The following KCNIP4 variants were observed in gnomAD, a reference collection of about 807,000 sequenced individuals.
KCNIP4 encodes the protein potassium voltage-gated channel interacting protein 4.
KCNIP4 carries 12 observed loss-of-function variants against 34.0 expected under a neutral mutation model. That is an observed-to-expected ratio of 0.35 (90% CI 0.23 to 0.57). The LOEUF (loss-of-function observed/expected upper bound fraction) is 0.57. Ranked by LOEUF, KCNIP4 falls within the 20% of genes least tolerant of loss-of-function variation. The pLI is 0.83. For missense variants in KCNIP4, 238 were observed against 311.7 expected (o/e 0.76, Z 1.78); for synonymous variants, 124 against 102.2 (o/e 1.21, Z -1.29).
At chr4:21,736,680 T>C (rs576835996) in intron 1 of KCNIP4, among the ~76,000 whole-genome samples, 1 of 152,302 alleles carries the variant, frequency 6.6e-6, no homozygotes, top group South Asian at 2.1e-4. Flanking sequence ...TCTTCCATTA[T>C]CTGTATTTTT....
rs191489907 is a variant in KCNIP4, at chr4:21,714,816, T to G, written c.61+233755A>C. 2.6e-3 allele frequency among the ~76,000 whole-genome samples: 10 copies of G among 3,888 alleles called. 1 individual carries two copies. The African/African-American group carries it at 0.031, about 12-fold the overall frequency. The allele number at this position is 3,888 out of a possible 152,430, so 2.6% of individuals were successfully genotyped here. On this transcript the variant is annotated intron_variant, in intron 1 of 8. Transcript: ENST00000382152. Reference sequence around the variant, plus strand: ...TTTATTTTATTTTATTTTATTTTATTTTATTTTATTTTATTTTATTTTATT... The same window carrying G: ...TTTATTTTATTTTATTTTATTTTATGTTATTTTATTTTATTTTATTTTATT...
chr4:20,790,308 A>C (rs1277004613), intron 3 of KCNIP4, among the ~76,000 whole-genome samples: 1 of 152,176 alleles, frequency 6.6e-6, no homozygotes, highest in Non-Finnish European at 1.5e-5. Flanking sequence ...ATAGTGAGTG[A>C]ATGTGAAGGC....
chr4:21,348,680 T>TA (rs1717705294), intron 1 of KCNIP4, among the ~76,000 whole-genome samples: 1 of 152,204 alleles, frequency 6.6e-6, no homozygotes. Flanking sequence ...AGCCCAAATG[T>TA]ATAGCTCTGT....
chr4:21,600,594 A>G (rs190209356), intron 1 of KCNIP4, among the ~76,000 whole-genome samples: 31 of 152,160 alleles, frequency 2.0e-4, no homozygotes, highest in Non-Finnish European at 4.1e-4. Context: ...TCTCCTATCT[A>G]ACTGTGTATA....
intron 1 of KCNIP4, among the ~76,000 whole-genome samples, chr4:21,517,963 A>G (rs1050273883): frequency 7.9e-5 from 12 of 152,248 alleles, no homozygotes; most frequent in African/African-American, 2.4e-4. Flanking sequence ...ACAAAAGCCT[A>G]CGGTGGTATT....
chr4:20,837,732 G>A (rs1275474958), intron 3 of KCNIP4, among the ~76,000 whole-genome samples: 1 of 148,582 alleles, frequency 6.7e-6, no homozygotes, highest in East Asian at 2.0e-4. Context: ...ACCCAGGCTG[G>A]AGTACAGCAG....
In KCNIP4 at chr4:21,573,253, A is replaced by G. The variant is rs976447910; in HGVS notation, c.61+375318T>C. On this transcript the variant is annotated intron_variant, in intron 1 of 8. Transcript: ENST00000382152. ...GCACAGTACCAGGAACTTTAAATGT[A>G]TGAACTCTAATCCACTAAAACTACA... 3.3e-5 allele frequency among the ~76,000 whole-genome samples: 5 copies of G among 152,172 alleles called. No homozygotes were observed. The East Asian group carries it at 5.8e-4, about 18-fold the overall frequency.
chr4:21,346,906 C>G (rs561509317), intron 1 of KCNIP4, among the ~76,000 whole-genome samples: 109 of 152,188 alleles, frequency 7.2e-4, no homozygotes, highest in African/African-American at 2.6e-3. Flanking sequence ...GATCAAACCA[C>G]CAAATCAACA....
intron 1 of KCNIP4, among the ~76,000 whole-genome samples, chr4:21,121,758 T>C (rs1333427802): frequency 6.6e-6 from 1 of 152,218 alleles, no homozygotes; most frequent in Non-Finnish European, 1.5e-5. Context: ...CTAGGTTAAT[T>C]ATGCAGGTAG....
intron 2 of KCNIP4, among the ~76,000 whole-genome samples, chr4:20,862,850 T>C (rs1722354510): frequency 1.3e-5 from 2 of 152,148 alleles, no homozygotes; most frequent in African/African-American, 4.8e-5. Context: ...CCATTATCCT[T>C]GGCAAATTAA....
At chr4:21,454,331 G>T (rs1728749278) in intron 1 of KCNIP4, among the ~76,000 whole-genome samples, 1 of 152,014 alleles carries the variant, frequency 6.6e-6, no homozygotes, top group Non-Finnish European at 1.5e-5. Context: ...AGAAACTCTG[G>T]GGAGGAAACC....
chr4:21,511,023 G>A (rs970093632), intron 1 of KCNIP4, among the ~76,000 whole-genome samples: 3 of 151,930 alleles, frequency 2.0e-5, no homozygotes, highest in African/African-American at 7.3e-5. Context: ...CAGCCTGGGC[G>A]ACAGAGAAAG....
chr4:20,968,543 A>T (rs1420584648), intron 1 of KCNIP4, among the ~76,000 whole-genome samples: 1 of 152,114 alleles, frequency 6.6e-6, no homozygotes, highest in East Asian at 1.9e-4. Context: ...TCCATCAATG[A>T]TAGACTGGAT....
intron 1 of KCNIP4, among the ~76,000 whole-genome samples, chr4:21,708,349 T>C (rs1203653601): frequency 6.6e-6 from 1 of 152,180 alleles, no homozygotes; most frequent in Middle Eastern, 3.2e-3. Context: ...CCACCTGGAA[T>C]GCCTGTTTAA....
intron 1 of KCNIP4, chr4:21,656,903 A>T (rs1370381341): frequency 6.6e-6 from 1 of 152,150 alleles, no homozygotes; most frequent in Admixed American, 6.5e-5. Flanking sequence ...GAACCATAAC[A>T]GTCTCTTACA....
chr4:21,639,865 C>A (rs1746489922), intron 1 of KCNIP4, among the ~76,000 whole-genome samples: 2 of 152,234 alleles, frequency 1.3e-5, no homozygotes, highest in South Asian at 4.1e-4. Context: ...CCACTGGACC[C>A]ATTAATCATA....
intron 1 of KCNIP4, among the ~76,000 whole-genome samples, chr4:21,767,964 ATTC>A (rs1299575008): frequency 6.6e-6 from 1 of 152,128 alleles, no homozygotes; most frequent in African/African-American, 2.4e-5. Flanking sequence ...AAGAGAAGCC[ATTC>A]TTCTAACTTC....
chr4:20,809,310 T>G (rs939456173), intron 3 of KCNIP4, among the ~76,000 whole-genome samples: 1 of 152,176 alleles, frequency 6.6e-6, no homozygotes, highest in East Asian at 1.9e-4. Context: ...AGCCTGTGAA[T>G]GGTGTGTGGG....
At chr4:21,504,667 G>A (rs1427581053) in intron 1 of KCNIP4, among the ~76,000 whole-genome samples, 1 of 152,038 alleles carries the variant, frequency 6.6e-6, no homozygotes, top group Non-Finnish European at 1.5e-5. Context: ...AAACATCCAG[G>A]CTGAACCTTT....
Sources: allele counts gnomAD v4.1 joint callset (sites outside exome capture counted in the v4.1 genomes callset), GRCh38; gene constraint gnomAD v4.1.1; transcripts MANE v1.5; gene names NCBI Gene and HGNC (gene_info 2026-07-23, HGNC 2026-07-21).